POLN: variants seen among roughly 807,000 people sequenced by gnomAD.
POLN encodes DNA polymerase nu, also known as DNA polymerase N.
In POLN, 108 loss-of-function variants were observed where a neutral mutation model predicts 113.5. The ratio of observed to expected loss-of-function variants is 0.95; its 90% confidence interval spans 0.81 to 1.12. POLN has a LOEUF of 1.12. Among genes scored for constraint, POLN ranks in the 50% most tolerant of loss-of-function variants. The pLI, the probability that POLN is intolerant of heterozygous loss-of-function variation, is 0.00. For synonymous variants in POLN, 386 were observed against 391.5 expected, an observed-to-expected ratio of 0.99 and a Z score of 0.17; for missense variants, 1,097 against 1,077.1, an observed-to-expected ratio of 1.02 and a Z score of -0.26.
intron 16 of POLN, among the ~76,000 whole-genome samples, chr4:2,149,380 T>C (rs907999928): frequency 2.0e-5 from 3 of 151,928 alleles, no homozygotes; most frequent in African/African-American, 4.8e-5. Flanking sequence ...CATTTCCAGA[T>C]CTACAAAAGC....
Position 2,106,142 on chromosome 4 carries a change from C to A in POLN, c.1983-10209G>T, listed in dbSNP as rs756419068. Among the ~76,000 whole-genome samples the A allele has an allele frequency of 8.5e-4, 129 of 151,818 alleles. 1 individual carries two copies. Among genetic ancestry groups the A allele is most frequent in the Middle Eastern group, 6.8e-3 (2 of 294 alleles). On this transcript the variant is annotated intron_variant, in intron 19 of 25. Transcript: ENST00000511885. ...CAGAGTCTGTCTTTAAAATGCAAGT[C>A]TTCATAATGAAAAAAAAATGAATCT...
intron 13 of POLN, among the ~76,000 whole-genome samples, chr4:2,160,754 TTTGA>T (rs1732560536): frequency 6.6e-6 from 1 of 152,214 alleles, no homozygotes; most frequent in African/African-American, 2.4e-5. Flanking sequence ...AGATTTTTAA[TTTGA>T]TTGTTGTCCT....
intron 24 of POLN, 32 bp downstream of exon 24, chr4:2,075,420 T>A: frequency 6.2e-7 from 1 of 1,610,774 alleles, no homozygotes; most frequent in Admixed American, 1.7e-5. Flanking sequence ...CTGTCTGTGA[T>A]GTCCAAGCAA....
intron 7 of POLN, among the ~76,000 whole-genome samples, chr4:2,181,907 G>T (rs1378407984): frequency 6.6e-6 from 1 of 152,042 alleles, no homozygotes; most frequent in African/African-American, 2.4e-5. Context: ...GGCTGAGGCA[G>T]GAGAATGGTG....
At position 2,176,259 on chromosome 4, in the gene POLN, G is replaced by A. The variant is rs773070735; in HGVS notation, c.1248+7C>T. Reference sequence around the variant, plus strand: ...TGTCAGCCAGAAATTATAATAAAATGCCTTGCCTTCAGTTTAGAGCAAAGG... The same window carrying A: ...TGTCAGCCAGAAATTATAATAAAATACCTTGCCTTCAGTTTAGAGCAAAGG... On this transcript the variant is annotated splice_region_variant and intron_variant, in intron 9 of 25. Coordinates refer to ENST00000511885, the MANE Select transcript of POLN (RefSeq NM_181808.4). 2.5e-6 allele frequency: 4 copies of A among 1,598,492 alleles called. No homozygotes were observed. The South Asian group carries it at 4.5e-5, about 18-fold the overall frequency.
Position 2,075,433 on chromosome 4 carries a change from C to T in POLN, c.2455+19G>A, listed in dbSNP as rs1246584485. The T allele has an allele frequency of 1.2e-6, 2 of 1,612,870 alleles. No individual in the cohort carries two copies. Among genetic ancestry groups the T allele is most frequent in the African/African-American group, 1.3e-5 (1 of 74,944 alleles). On this transcript the variant is annotated intron_variant, in intron 24 of 25. Transcript: ENST00000511885. The stretch of plus-strand genomic sequence containing the variant: ...AGCTGTCTGTGATGTCCAAGCAACC[C>T]TGTGTTGCCCCAGGCTACCTGCACA...
At chr4:2,180,753 A>G (rs1733118169) in intron 7 of POLN, among the ~76,000 whole-genome samples, 1 of 152,254 alleles carries the variant, frequency 6.6e-6, no homozygotes, top group Non-Finnish European at 1.5e-5. Context: ...AAGCTCTGAC[A>G]GTATAAGAAT....
intron 5 of POLN, among the ~76,000 whole-genome samples, chr4:2,201,842 C>T (rs1332068412): frequency 2.0e-5 from 3 of 152,194 alleles, no homozygotes; most frequent in African/African-American, 7.2e-5. Flanking sequence ...ATCAGATTAA[C>T]AGCAGAAACC....
At position 2,097,046 on chromosome 4, in the gene POLN, C is replaced by T. The variant is rs929050778; in HGVS notation, c.1983-1113G>A. On this transcript the variant is annotated intron_variant, in intron 19 of 25. Transcript: ENST00000511885. ...TTTTCTTCCAGAGCTTTCAGTGCTT[C>T]ATTGTTTGCCTCAACTATAATTTTT... Among the ~76,000 whole-genome samples, 4 of 152,222 alleles carry T rather than the reference C, an allele frequency of 2.6e-5. No individual in the cohort carries two copies. In the South Asian group the frequency reaches 8.3e-4, roughly 32 times the overall value.
chr4:2,106,722 T>C (rs1040403635), intron 19 of POLN, among the ~76,000 whole-genome samples: 3 of 152,202 alleles, frequency 2.0e-5, no homozygotes, highest in Non-Finnish European at 2.9e-5. Flanking sequence ...TAGGTCTTTT[T>C]ATGGACTTCA....
At chr4:2,077,390 ACT>A (rs1342708223) in intron 23 of POLN, among the ~76,000 whole-genome samples, 1 of 152,204 alleles carries the variant, frequency 6.6e-6, no homozygotes, top group East Asian at 1.9e-4. Flanking sequence ...TCCACAGGAC[ACT>A]ACGTGGGCCC....
intron 2 of POLN, among the ~76,000 whole-genome samples, chr4:2,239,800 T>C (rs1320580669): frequency 6.6e-6 from 1 of 152,252 alleles, no homozygotes; most frequent in Non-Finnish European, 1.5e-5. Context: ...TAAAGCACTT[T>C]TGTTTAAAAT....
At chr4:2,181,198 G>C (rs1733131651) in intron 7 of POLN, among the ~76,000 whole-genome samples, 2 of 152,160 alleles carry the variant, frequency 1.3e-5, no homozygotes, top group African/African-American at 4.8e-5. Flanking sequence ...AAGCTGGAGA[G>C]CAATGGCATG....
Position 2,198,564 on chromosome 4 carries a change from T to G in POLN, c.868A>C (p.Ile290Leu). 1.2e-6 allele frequency: 2 copies of G among 1,613,200 alleles called. No individual in the cohort carries two copies. Among genetic ancestry groups the G allele is most frequent in the East Asian group, 2.2e-5 (1 of 44,838 alleles). Residue 290 changes from isoleucine (I) to leucine (L), a missense_variant, in exon 6 of 26, where the codon ATC becomes CTC. Coordinates refer to ENST00000511885, the MANE Select transcript of POLN (RefSeq NM_181808.4). Reference sequence around the variant, plus strand: ...TGTGCCTCCTGTTCTTGGTCCCAGATAGCAGAGTGCTCTATTTGAATGTAG... The same window carrying G: ...TGTGCCTCCTGTTCTTGGTCCCAGAGAGCAGAGTGCTCTATTTGAATGTAG... ...CIYIQIEHSA[I>L]WDQEQEAHQQ...
intron 23 of POLN, 24 bp downstream of exon 23, chr4:2,080,934 C>G (rs1454706070): frequency 6.2e-7 from 1 of 1,613,728 alleles, no homozygotes; most frequent in Non-Finnish European, 8.5e-7. Context: ...CCATCCAAGC[C>G]CTGGGAGACC....
rs144267327 is a variant in POLN, at chr4:2,232,537, C to T, written c.-12-3294G>A. On this transcript the variant is annotated intron_variant, in intron 2 of 25. Transcript: ENST00000511885. Reference sequence around the variant, plus strand: ...TTATATTCTGCTTAATAAATCAAACCTTGTTTTAGCCTATTCTCTGTTTAT... The same window carrying T: ...TTATATTCTGCTTAATAAATCAAACTTTGTTTTAGCCTATTCTCTGTTTAT... Among the ~76,000 whole-genome samples, 222 of 152,250 alleles carry T rather than the reference C, an allele frequency of 1.5e-3. 1 individual carries two copies. The highest frequency in any genetic ancestry group is 5.2e-3 in the African/African-American group (216 of 41,558).
chr4:2,162,553 C>T (rs1159528598), intron 13 of POLN, among the ~76,000 whole-genome samples: 4 of 152,174 alleles, frequency 2.6e-5, no homozygotes, highest in Admixed American at 2.0e-4. Context: ...ACCTCTGGGG[C>T]TCAAGCTATC....
intron 19 of POLN, among the ~76,000 whole-genome samples, chr4:2,107,335 C>T (rs1375061668): frequency 6.6e-6 from 1 of 152,188 alleles, no homozygotes; most frequent in African/African-American, 2.4e-5. Context: ...CTCATTATTT[C>T]ATCAACTAGA....
chr4:2,208,294 C>T lies in POLN; in HGVS notation c.407G>A (p.Arg136Lys). 1 of 1,600,598 alleles carries T rather than the reference C, an allele frequency of 6.2e-7. No homozygotes were observed. The highest frequency in any genetic ancestry group is 8.5e-7 in the Non-Finnish European group (1 of 1,172,358). ...TATATTCTCCATTAGGAAATGCTTT[C>T]TTTTATGCCCCTTTTTCTGTAGAAC... is the stretch of plus-strand genomic sequence containing the variant. ...ASVLQKKGHK[R>K]KHFLMENINN... The change falls in exon 5 of 26, where the codon AGA becomes AAA. Residue 136 changes from arginine (R) to lysine (K), a missense_variant. By Grantham distance (26) the Arg-to-Lys change is conservative. Coordinates refer to ENST00000511885, the MANE Select transcript of POLN (RefSeq NM_181808.4).
Sources: gnomAD v4.1 joint callset for allele counts (sites outside exome capture counted in the v4.1 genomes callset) on GRCh38, gnomAD v4.1.1 for gene constraint, MANE v1.5 for transcripts, NCBI Gene and HGNC (gene_info 2026-07-23, HGNC 2026-07-21) for gene names.